KCNMA1: variants seen among roughly 807,000 people sequenced by gnomAD.
The protein encoded by KCNMA1 is potassium calcium-activated channel subfamily M alpha 1.
KCNMA1 carries 29 observed loss-of-function variants against 140.0 expected under a neutral mutation model. That is an observed-to-expected ratio of 0.21 (90% CI 0.15 to 0.28). The LOEUF is 0.28. KCNMA1 is among the 10% of genes least tolerant of loss of function. The pLI is 1.00. For synonymous variants in KCNMA1, 612 were observed against 611.9 expected (o/e 1.00, Z 0.00); for missense variants, 880 against 1,602.2 (o/e 0.55, Z 7.70).
chr10:77,619,570 G>A (rs1163043224), intron 1 of KCNMA1, among the ~76,000 whole-genome samples: 4 of 152,106 alleles, frequency 2.6e-5, no homozygotes, highest in East Asian at 1.9e-4. Flanking sequence ...GAGGATGAAC[G>A]TGAGGAGTCG....
At chr10:77,423,108 G>A (rs1252719355) in intron 1 of KCNMA1, among the ~76,000 whole-genome samples, 2 of 152,212 alleles carry the variant, frequency 1.3e-5, no homozygotes, top group African/African-American at 4.8e-5. Flanking sequence ...GTGGGTGTCT[G>A]CGCTGGGGTC....
At chr10:77,585,361 C>T (rs955594716) in intron 1 of KCNMA1, among the ~76,000 whole-genome samples, 14 of 152,204 alleles carry the variant, frequency 9.2e-5, no homozygotes, top group African/African-American at 3.4e-4. Context: ...CTGATTTCAC[C>T]AGGCCGTTGT....
At chr10:77,366,730 T>C (rs1293490235) in intron 2 of KCNMA1, among the ~76,000 whole-genome samples, 1 of 152,202 alleles carries the variant, frequency 6.6e-6, no homozygotes, top group Non-Finnish European at 1.5e-5. Flanking sequence ...ACACATGTTC[T>C]TTACAAATGT....
At chr10:77,455,114 T>C (rs907098539) in intron 1 of KCNMA1, among the ~76,000 whole-genome samples, 1 of 152,218 alleles carries the variant, frequency 6.6e-6, no homozygotes, top group Non-Finnish European at 1.5e-5. Context: ...CAGTTATTCA[T>C]GCATTCTTTC....
At chr10:77,315,271 G>A (rs1281269437) in intron 2 of KCNMA1, among the ~76,000 whole-genome samples, 3 of 152,166 alleles carry the variant, frequency 2.0e-5, no homozygotes, top group Non-Finnish European at 2.9e-5. Flanking sequence ...AGGCTGTTTT[G>A]GGGACTCACA....
rs1164470929 is a variant in KCNMA1, at chr10:77,430,294, T to TCTATGTTTA, written c.379-26280_379-26272dup. On this transcript the variant is annotated intron_variant, in intron 1 of 27. Transcript: ENST00000286628. ...CAGATCTGACTTCTTCTTCCTCTAC[T>TCTATGTTTA]CTATGTTTACTTTATCTTATGTAAA... 7.9e-5 allele frequency among the ~76,000 whole-genome samples: 12 copies of TCTATGTTTA among 152,296 alleles called. No individual in the cohort carries two copies. In the East Asian group the frequency reaches 2.1e-3, roughly 27 times the overall value.
At chr10:77,452,576 T>A (rs2097683965) in intron 1 of KCNMA1, among the ~76,000 whole-genome samples, 1 of 152,170 alleles carries the variant, frequency 6.6e-6, no homozygotes, top group Non-Finnish European at 1.5e-5. Flanking sequence ...CGATGGAGGT[T>A]TAAGGGAAAA....
intron 1 of KCNMA1, among the ~76,000 whole-genome samples, chr10:77,627,403 C>T (rs2092668807): frequency 6.6e-6 from 1 of 152,144 alleles, no homozygotes; most frequent in Non-Finnish European, 1.5e-5. Flanking sequence ...AGTCAAAAGC[C>T]TCCAGTCACA....
chr10:77,121,475 T>C (rs2097592437), intron 5 of KCNMA1, among the ~76,000 whole-genome samples: 1 of 152,164 alleles, frequency 6.6e-6, no homozygotes, highest in African/African-American at 2.4e-5. Flanking sequence ...ATGTCTTTGA[T>C]GGATTTTATT....
intron 14 of KCNMA1, chr10:77,071,664 T>G (rs1242381758): frequency 6.6e-6 from 1 of 152,190 alleles, no homozygotes; most frequent in Non-Finnish European, 1.5e-5. Flanking sequence ...ATGCAACATC[T>G]TTATTTGTAA....
intron 3 of KCNMA1, among the ~76,000 whole-genome samples, chr10:77,246,658 A>C (rs537665405): frequency 3.4e-4 from 52 of 152,380 alleles, no homozygotes; most frequent in African/African-American, 1.3e-3. Context: ...CTTAACCATA[A>C]GCAATTTTAC....
intron 1 of KCNMA1, among the ~76,000 whole-genome samples, chr10:77,412,565 T>C (rs1048229360): frequency 6.6e-6 from 1 of 152,134 alleles, no homozygotes; most frequent in African/African-American, 2.4e-5. Flanking sequence ...CTAACCTCTC[T>C]GAGAAGAGTC....
chr10:77,577,612 TATAG>T (rs2074612154), intron 1 of KCNMA1, among the ~76,000 whole-genome samples: 1 of 152,234 alleles, frequency 6.6e-6, no homozygotes, highest in African/African-American at 2.4e-5. Flanking sequence ...GTAACTTATG[TATAG>T]ATAAAAACAT....
At chr10:77,582,755 G>A (rs1361395289) in intron 1 of KCNMA1, among the ~76,000 whole-genome samples, 1 of 152,206 alleles carries the variant, frequency 6.6e-6, no homozygotes, top group African/African-American at 2.4e-5. Flanking sequence ...GCCCCTCGGG[G>A]GACTTCTTGA....
chr10:77,266,692 C>A (rs1809611660), intron 2 of KCNMA1, among the ~76,000 whole-genome samples: 1 of 152,144 alleles, frequency 6.6e-6, no homozygotes, highest in South Asian at 2.1e-4. Flanking sequence ...ACCCAAGGGA[C>A]CTCTTGAAAG....
intron 23 of KCNMA1, among the ~76,000 whole-genome samples, chr10:76,915,595 T>C (rs1270973831): frequency 6.6e-6 from 1 of 152,176 alleles, no homozygotes; most frequent in Non-Finnish European, 1.5e-5. Context: ...TGTGTTGCTT[T>C]AAGCCGCTGA....
At chr10:77,130,263 A>G (rs2097831392) in intron 5 of KCNMA1, among the ~76,000 whole-genome samples, 2 of 152,314 alleles carry the variant, frequency 1.3e-5, no homozygotes, top group South Asian at 4.1e-4. Context: ...CTTTCAGTAC[A>G]GTATTCAATA....
intron 1 of KCNMA1, among the ~76,000 whole-genome samples, chr10:77,512,197 G>A (rs754002540): frequency 6.6e-6 from 1 of 152,160 alleles, no homozygotes; most frequent in African/African-American, 2.4e-5. Flanking sequence ...CGTGAAGAAA[G>A]GCAGATTTAT....
intron 14 of KCNMA1, among the ~76,000 whole-genome samples, chr10:77,062,323 C>CTA (rs2095787490): frequency 2.0e-5 from 3 of 152,194 alleles, no homozygotes; most frequent in African/African-American, 7.2e-5. Context: ...CAGAAGGTGT[C>CTA]TGTAAACATT....
Sources: allele counts gnomAD v4.1 joint callset (sites outside exome capture counted in the v4.1 genomes callset), GRCh38; gene constraint gnomAD v4.1.1; transcripts MANE v1.5; gene names NCBI Gene and HGNC (gene_info 2026-07-23, HGNC 2026-07-21).